The following PDIA5 variants were observed in gnomAD, a reference collection of about 807,000 sequenced individuals.
PDIA5 encodes the protein protein disulfide-isomerase A5.
Under a neutral mutation model 77.6 loss-of-function variants are expected in PDIA5, and 58 were observed. That is an observed-to-expected ratio of 0.75 (90% CI 0.61 to 0.93). The LOEUF (loss-of-function observed/expected upper bound fraction) is 0.93, where lower values mean the gene tolerates loss of function less well. Ranked by LOEUF, PDIA5 falls within the 40% of genes least tolerant of loss-of-function variation. The probability of loss-of-function intolerance (pLI) is 0.00; values close to 1 mark genes in which losing one functional copy is unlikely to be tolerated. For synonymous variants in PDIA5, 250 were observed against 252.1 expected, an observed-to-expected ratio of 0.99 and a Z score of 0.08; for missense variants, 630 against 647.7, an observed-to-expected ratio of 0.97 and a Z score of 0.30.
intron 11 of PDIA5, among the ~76,000 whole-genome samples, chr3:123,132,817 G>A (rs1370329508): frequency 6.6e-6 from 1 of 152,162 alleles, no homozygotes; most frequent in East Asian, 1.9e-4. Context: ...TTCCTCCTTG[G>A]GAACCTCCAG....
intron 14 of PDIA5, among the ~76,000 whole-genome samples, chr3:123,152,341 G>T (rs1233872668): frequency 6.6e-6 from 1 of 152,110 alleles, no homozygotes; most frequent in African/African-American, 2.4e-5. Flanking sequence ...TCCAGGGCAG[G>T]GTCACTGAGT....
chr3:123,070,696 C>T (rs1042719526), intron 1 of PDIA5, among the ~76,000 whole-genome samples: 12 of 152,182 alleles, frequency 7.9e-5, no homozygotes, highest in African/African-American at 2.9e-4. Context: ...CATCCCTGCG[C>T]TGACTGCCTG....
intron 2 of PDIA5, among the ~76,000 whole-genome samples, chr3:123,090,341 A>G (rs1934251848): frequency 1.3e-5 from 2 of 152,110 alleles, no homozygotes; most frequent in Non-Finnish European, 2.9e-5. Flanking sequence ...GGCCCTGAAA[A>G]CGTGTGGCTT....
At chr3:123,115,187 T>G (rs1934966959) in intron 7 of PDIA5, among the ~76,000 whole-genome samples, 1 of 152,204 alleles carries the variant, frequency 6.6e-6, no homozygotes. Flanking sequence ...AGATGCATCT[T>G]AAGCCCTGTT....
chr3:123,107,234 A>G (rs1934758152), intron 6 of PDIA5, among the ~76,000 whole-genome samples: 1 of 152,204 alleles, frequency 6.6e-6, no homozygotes, highest in Admixed American at 6.5e-5. Context: ...GATTTGGGTT[A>G]GATTTCCAGA....
rs775051246 is a variant in PDIA5 at position 123,102,462 on chromosome 3, G to A, written c.309G>A (p.Pro103=). ...AGAAGATGAAAGTTGACCTGAGCCC[G>A]AAGGACAAAAAGGTTGAATTATTCC... ...LCKKMKVDLS[P]KDKKVELFHY... Residue 103 remains proline (P), a synonymous_variant, in exon 4 of 17, where the codon CCG becomes CCA. Coordinates refer to ENST00000316218, the MANE Select transcript of PDIA5 (RefSeq NM_006810.4). 22 of 1,613,866 alleles carry A rather than the reference G, an allele frequency of 1.4e-5. No individual in the cohort carries two copies. Among genetic ancestry groups the A allele is most frequent in the Middle Eastern group, 1.6e-4 (1 of 6,084 alleles).
At chr3:123,088,903 G>C (rs184042964) in intron 1 of PDIA5, among the ~76,000 whole-genome samples, 4 of 152,134 alleles carry the variant, frequency 2.6e-5, no homozygotes, top group African/African-American at 9.7e-5. Flanking sequence ...CAAATCTGTG[G>C]ATGCGGAACC....
rs762198555 is a variant in PDIA5, at chr3:123,074,228, TAA to T, written c.42+7024_42+7025del. On this transcript the variant is annotated intron_variant, in intron 1 of 16. Coordinates refer to ENST00000316218, the MANE Select transcript of PDIA5 (RefSeq NM_006810.4). ...CATGCTAAGGCATTGGGGATAACCATAAATAAGACAGACACCATCTCTTTCTC... is the reference window on the plus strand; with the variant it reads ...CATGCTAAGGCATTGGGGATAACCATATAAGACAGACACCATCTCTTTCTC... 3.2e-4 allele frequency among the ~76,000 whole-genome samples: 49 copies of T among 152,334 alleles called. 1 individual carries two copies. Among genetic ancestry groups the T allele is most frequent in the Non-Finnish European group, 4.1e-4 (28 of 68,040 alleles).
intron 1 of PDIA5, among the ~76,000 whole-genome samples, chr3:123,068,027 G>A (rs1224478999): frequency 6.6e-6 from 1 of 152,184 alleles, no homozygotes; most frequent in African/African-American, 2.4e-5. Context: ...CCCTGAGAGA[G>A]GTCGGAATGG....
At chr3:123,081,914 A>G (rs1193507150) in intron 1 of PDIA5, among the ~76,000 whole-genome samples, 2 of 152,100 alleles carry the variant, frequency 1.3e-5, no homozygotes, top group African/African-American at 2.4e-5. Flanking sequence ...TCTGATGGAG[A>G]TGCTGGGTGG....
chr3:123,138,160 G>A (rs1435656319), intron 11 of PDIA5, among the ~76,000 whole-genome samples: 1 of 151,992 alleles, frequency 6.6e-6, no homozygotes, highest in African/African-American at 2.4e-5. Flanking sequence ...TGCCCAAGCT[G>A]GTCTCAAACT....
At chr3:123,114,542 A>T (rs1183164081) in intron 7 of PDIA5, among the ~76,000 whole-genome samples, 1 of 152,216 alleles carries the variant, frequency 6.6e-6, no homozygotes, top group Non-Finnish European at 1.5e-5. Context: ...GGGGAGATGC[A>T]GACCTCGGTC....
intron 1 of PDIA5, among the ~76,000 whole-genome samples, chr3:123,073,899 G>A (rs535312274): frequency 1.4e-4 from 21 of 152,330 alleles, no homozygotes; most frequent in African/African-American, 4.8e-4. Flanking sequence ...TCAAGGTTGA[G>A]GGTTGTAAAC....
intron 3 of PDIA5, among the ~76,000 whole-genome samples, chr3:123,099,449 TC>T (rs1934527642): frequency 1.3e-5 from 2 of 152,020 alleles, no homozygotes; most frequent in Non-Finnish European, 2.9e-5. Context: ...ACAGGAAGCC[TC>T]CTCCCCACTC....
At chr3:123,078,812 A>G (rs1042235382) in intron 1 of PDIA5, among the ~76,000 whole-genome samples, 4 of 151,982 alleles carry the variant, frequency 2.6e-5, no homozygotes, top group Non-Finnish European at 4.4e-5. Context: ...ATTTTCCTCA[A>G]TTTGGTTTTT....
chr3:123,109,287 T>G lies in PDIA5; in HGVS notation c.481-1657T>G, dbSNP rs1240706346. Among the ~76,000 whole-genome samples, 7 of 152,358 alleles carry G rather than the reference T, an allele frequency of 4.6e-5. 1 individual carries two copies. Among genetic ancestry groups the G allele is most frequent in the South Asian group, 4.1e-4 (2 of 4,830 alleles). On this transcript the variant is annotated intron_variant, in intron 6 of 16. Coordinates refer to ENST00000316218, the MANE Select transcript of PDIA5 (RefSeq NM_006810.4). ...AATTTGTAGGCTTGGAATTTCATACTTTGTGAAGGTAATTAAGCATCTTTG... is the reference window on the plus strand; with the variant it reads ...AATTTGTAGGCTTGGAATTTCATACGTTGTGAAGGTAATTAAGCATCTTTG...
intron 14 of PDIA5, among the ~76,000 whole-genome samples, chr3:123,151,526 G>A (rs1485643995): frequency 2.0e-5 from 3 of 152,318 alleles, no homozygotes; most frequent in South Asian, 2.1e-4. Flanking sequence ...TTGACCAGAC[G>A]AAATACTTTC....
intron 15 of PDIA5, among the ~76,000 whole-genome samples, chr3:123,155,871 C>A (rs1936010988): frequency 6.6e-6 from 1 of 152,100 alleles, no homozygotes; most frequent in African/African-American, 2.4e-5. Flanking sequence ...GGGGCCAGGG[C>A]AGGCTGGAAG....
chr3:123,130,603 G>C lies in PDIA5; in HGVS notation c.897G>C (p.Met299Ile). The C allele has an allele frequency of 6.2e-7, 1 of 1,614,098 alleles. No individual in the cohort carries two copies. ...AGGAACACTCCTCTGTCCTCGTCAT[G>C]TTCCACGCCCCATGTGAGTGGAACT... ...FVKEHSSVLV[M>I]FHAPWCGHCK... Residue 299 changes from methionine to isoleucine, a missense_variant, in exon 11 of 17, where the codon ATG becomes ATC. Coordinates refer to ENST00000316218, the MANE Select transcript of PDIA5 (RefSeq NM_006810.4).
Sources: allele counts gnomAD v4.1 joint callset (sites outside exome capture counted in the v4.1 genomes callset), GRCh38; gene constraint gnomAD v4.1.1; transcripts MANE v1.5; gene names NCBI Gene and HGNC (gene_info 2026-07-23, HGNC 2026-07-21).